Variants in PTCHD4 observed in about 807,000 individuals in gnomAD.
PTCHD4 encodes patched domain-containing protein 4.
A neutral mutation model predicts 58.1 loss-of-function variants in PTCHD4; 33 were observed. That is an observed-to-expected ratio of 0.57 (90% CI 0.43 to 0.76). The LOEUF (loss-of-function observed/expected upper bound fraction) is 0.76, where lower values mean the gene tolerates loss of function less well. Among genes scored for constraint, PTCHD4 ranks in the 30% least tolerant of loss-of-function variants. The pLI is 0.00. For missense variants in PTCHD4, 1,058 were observed against 1,027.1 expected, an observed-to-expected ratio of 1.03 and a Z score of -0.41; for synonymous variants, 478 against 409.6, an observed-to-expected ratio of 1.17 and a Z score of -2.02.
chr6:48,084,051 C>T (rs78630635), intron 1 of PTCHD4, among the ~76,000 whole-genome samples: 1 of 151,896 alleles, frequency 6.6e-6, no homozygotes, highest in Non-Finnish European at 1.5e-5. Context: ...AAAAAAAAAC[C>T]TCCTATATGG....
rs1008025600 is a variant in PTCHD4, at chr6:47,872,450, C to T, written c.*5853G>A. The stretch of plus-strand genomic sequence containing the variant: ...GACCATGCCATTAGCTGTTGGGAAA[C>T]CAGAGCTCAGCTACAAATGGCTTCT... On this transcript the variant is annotated 3_prime_UTR_variant, in exon 5 of 5. Coordinates refer to ENST00000339488, the MANE Select transcript of PTCHD4 (RefSeq NM_001384253.1). 6.6e-6 allele frequency among the ~76,000 whole-genome samples: 1 copy of T among 151,610 alleles called. No homozygotes were observed. Among genetic ancestry groups the T allele is most frequent in the African/African-American group, 2.4e-5 (1 of 41,352 alleles).
At chr6:47,924,720 C>G (rs923424348) in intron 4 of PTCHD4, among the ~76,000 whole-genome samples, 1 of 152,104 alleles carries the variant, frequency 6.6e-6, no homozygotes. Context: ...AGACTTTGTT[C>G]AAAACCAGTT....
rs1193730411 is a variant in PTCHD4 at position 47,868,900 on chromosome 6, A to T, written c.*9403T>A. On this transcript the variant is annotated 3_prime_UTR_variant, in exon 5 of 5. Coordinates refer to ENST00000339488, the MANE Select transcript of PTCHD4 (RefSeq NM_001384253.1). ...TTGGACAGGAAAATGGCTATTGAAT[A>T]AGTCCAAACATTTCCAGGAAAGACA... 1.3e-5 allele frequency among the ~76,000 whole-genome samples: 2 copies of T among 151,758 alleles called. No individual in the cohort carries two copies. The highest frequency in any genetic ancestry group is 3.0e-5 in the Non-Finnish European group (2 of 67,794).
At chr6:48,107,421 C>G (rs1376659242) in intron 1 of PTCHD4, among the ~76,000 whole-genome samples, 2 of 152,178 alleles carry the variant, frequency 1.3e-5, no homozygotes, top group Non-Finnish European at 2.9e-5. Context: ...AAATGGATCC[C>G]TTCCTTACAC....
intron 4 of PTCHD4, among the ~76,000 whole-genome samples, chr6:47,942,190 G>A (rs1351782317): frequency 6.6e-6 from 1 of 152,198 alleles, no homozygotes; most frequent in African/African-American, 2.4e-5. Context: ...TTTCAAAGAT[G>A]TTCAAAATAG....
chr6:47,883,016 A>AAATAGATCT, intron 4 of PTCHD4, among the ~76,000 whole-genome samples: 1 of 151,860 alleles, frequency 6.6e-6, no homozygotes, highest in South Asian at 2.1e-4. Context: ...ATGGGTCCAA[A>AAATAGATCT]AATAGATCTT....
At chr6:47,894,950 G>T (rs1361281783) in intron 4 of PTCHD4, among the ~76,000 whole-genome samples, 1 of 152,026 alleles carries the variant, frequency 6.6e-6, no homozygotes, top group Non-Finnish European at 1.5e-5. Context: ...TGGCCAACAT[G>T]GTGAAACCTC....
At chr6:47,954,973 G>C (rs1398317778) in intron 4 of PTCHD4, among the ~76,000 whole-genome samples, 1 of 152,140 alleles carries the variant, frequency 6.6e-6, no homozygotes, top group African/African-American at 2.4e-5. Flanking sequence ...AGGTGTTTTG[G>C]CCTCCAACCC....
rs552092338 is a variant in PTCHD4 at position 48,026,153 on chromosome 6, T to C, written c.418-17039A>G. On this transcript the variant is annotated intron_variant, in intron 3 of 4. Transcript: ENST00000339488. ...GAAGTTCTTTCTGGTAGCAAGCTTC[T>C]TTTGAAAGAAACCTCCTGGGCTGGA... 1.2e-4 allele frequency among the ~76,000 whole-genome samples: 19 copies of C among 152,300 alleles called. No individual in the cohort carries two copies. In the South Asian group the frequency reaches 3.9e-3, roughly 32 times the overall value.
At chr6:48,079,241 A>G (rs1233514027) in intron 1 of PTCHD4, among the ~76,000 whole-genome samples, 3 of 152,048 alleles carry the variant, frequency 2.0e-5, no homozygotes, top group African/African-American at 7.2e-5. Flanking sequence ...AAACCTGCTT[A>G]TTAAGGATGA....
intron 4 of PTCHD4, among the ~76,000 whole-genome samples, chr6:47,942,479 G>T (rs1766268508): frequency 6.6e-6 from 1 of 152,208 alleles, no homozygotes; most frequent in Non-Finnish European, 1.5e-5. Flanking sequence ...GACAGAAAGT[G>T]TAAGCTGCAG....
Position 47,860,644 on chromosome 6 carries a change from C to T in PTCHD4, c.*17659G>A, listed in dbSNP as rs1179482128. Among the ~76,000 whole-genome samples the T allele has an allele frequency of 6.6e-6, 1 of 151,804 alleles. No individual in the cohort carries two copies. The highest frequency in any genetic ancestry group is 1.5e-5 in the Non-Finnish European group (1 of 67,920). The stretch of plus-strand genomic sequence containing the variant: ...TCCTTTATGATTTTTTTTCTCTGAA[C>T]TCATATCTTCAATTTCCTAGAGTAT... On this transcript the variant is annotated 3_prime_UTR_variant, in exon 5 of 5. Transcript: ENST00000339488.
At chr6:48,099,956 A>G (rs1018527628) in intron 1 of PTCHD4, among the ~76,000 whole-genome samples, 1 of 152,238 alleles carries the variant, frequency 6.6e-6, no homozygotes, top group East Asian at 1.9e-4. Flanking sequence ...ATGAAACTGA[A>G]CACCACATGC....
chr6:47,996,286 T>C (rs1768482890), intron 4 of PTCHD4, among the ~76,000 whole-genome samples: 1 of 152,094 alleles, frequency 6.6e-6, no homozygotes, highest in South Asian at 2.1e-4. Context: ...CTGGCCAACA[T>C]GGTGAAACCC....
intron 4 of PTCHD4, among the ~76,000 whole-genome samples, chr6:48,006,067 G>C (rs183968162): frequency 3.3e-5 from 5 of 152,254 alleles, no homozygotes; most frequent in Admixed American, 3.3e-4. Context: ...TATGTTCTTA[G>C]GTCTTCTGTT....
chr6:47,961,140 C>T (rs960842987), intron 4 of PTCHD4, among the ~76,000 whole-genome samples: 10 of 151,618 alleles, frequency 6.6e-5, no homozygotes, highest in Admixed American at 5.3e-4. Flanking sequence ...TTCTACAAAG[C>T]GTATTCTCTA....
intron 4 of PTCHD4, chr6:47,890,943 C>G: frequency 2.1e-6 from 2 of 966,394 alleles, no homozygotes; most frequent in Non-Finnish European, 2.5e-6. Context: ...CACTGTGGCT[C>G]ACACCTGTAA....
At position 47,871,583 on chromosome 6, in the gene PTCHD4, G is replaced by A. The variant is rs1034919799; in HGVS notation, c.*6720C>T. Among the ~76,000 whole-genome samples, 1 of 151,440 alleles carries A rather than the reference G, an allele frequency of 6.6e-6. No individual in the cohort carries two copies. The highest frequency in any genetic ancestry group is 2.4e-5 in the African/African-American group (1 of 41,314). On this transcript the variant is annotated 3_prime_UTR_variant, in exon 5 of 5. Transcript: ENST00000339488. ...TTATGTTAACCAGAATGTATAAGTGGGACTGCATATAGGAGTGCTCATTTT... is the reference window on the plus strand; with the variant it reads ...TTATGTTAACCAGAATGTATAAGTGAGACTGCATATAGGAGTGCTCATTTT...
intron 1 of PTCHD4, among the ~76,000 whole-genome samples, chr6:48,105,846 C>G (rs1562051811): frequency 6.6e-6 from 1 of 152,122 alleles, no homozygotes; most frequent in Non-Finnish European, 1.5e-5. Context: ...ACTAGAAAAT[C>G]TAGAAGAAAT....
Sources: gnomAD v4.1 joint callset for allele counts (sites outside exome capture counted in the v4.1 genomes callset) on GRCh38, gnomAD v4.1.1 for gene constraint, MANE v1.5 for transcripts, NCBI Gene and HGNC (gene_info 2026-07-23, HGNC 2026-07-21) for gene names.